ITGB8: variants seen among roughly 807,000 people sequenced by gnomAD.
ITGB8 encodes integrin beta-8.
A neutral mutation model predicts 89.5 loss-of-function variants in ITGB8; 30 were observed. That is an observed-to-expected ratio of 0.34 (90% CI 0.25 to 0.45). The LOEUF (loss-of-function observed/expected upper bound fraction) is 0.45. Ranked by LOEUF, ITGB8 falls within the 20% of genes least tolerant of loss-of-function variation. The pLI, the probability that ITGB8 is intolerant of heterozygous loss-of-function variation, is 1.00. For synonymous variants in ITGB8, 335 were observed against 320.4 expected (o/e 1.05, Z -0.49); for missense variants, 836 against 933.3 (o/e 0.90, Z 1.36).
rs1365019382 is a variant in ITGB8 at position 20,415,681 on chromosome 7, G to T, written c.*5684G>T. 1.3e-5 allele frequency: 2 copies of T among 152,462 alleles called. No homozygotes were observed. Among genetic ancestry groups the T allele is most frequent in the Non-Finnish European group, 2.9e-5 (2 of 67,972 alleles). The allele number at this position is 152,462 out of a possible 1,614,324, so 9.4% of individuals were successfully genotyped here. On this transcript the variant is annotated 3_prime_UTR_variant, in exon 14 of 14. Coordinates refer to ENST00000222573, the MANE Select transcript of ITGB8 (RefSeq NM_002214.3). ...AGTTAGGACAAGGCATTTAATTAATGCATCATTCTGTTTAGTAGTAGGTGT... is the reference window on the plus strand; with the variant it reads ...AGTTAGGACAAGGCATTTAATTAATTCATCATTCTGTTTAGTAGTAGGTGT...
In ITGB8 at chr7:20,410,112, G is replaced by A. The variant is rs1217341538; in HGVS notation, c.*115G>A. 4.8e-6 allele frequency: 5 copies of A among 1,034,652 alleles called. No individual in the cohort carries two copies. The African/African-American group carries it at 6.5e-5, about 13-fold the overall frequency. The allele number at this position is 1,034,652 out of a possible 1,614,324, so 64.1% of individuals were successfully genotyped here. A position where few individuals can be genotyped will look rare whatever the true frequency, so the allele number is the denominator to read the frequency against. On this transcript the variant is annotated 3_prime_UTR_variant, in exon 14 of 14. Coordinates refer to ENST00000222573, the MANE Select transcript of ITGB8 (RefSeq NM_002214.3). ...ATTGCTCACGGTCATGCCAGTTGCT[G>A]GTTGTACACTCGAACGAAGACTGAC... is the stretch of plus-strand genomic sequence containing the variant.
intron 1 of ITGB8, among the ~76,000 whole-genome samples, chr7:20,341,111 A>C (rs1381550803): frequency 6.6e-6 from 1 of 152,236 alleles, no homozygotes; most frequent in African/African-American, 2.4e-5. Flanking sequence ...GCAGAACTGC[A>C]TTGTTGGCAG....
intron 3 of ITGB8, among the ~76,000 whole-genome samples, chr7:20,374,360 T>A (rs1443250627): frequency 1.3e-5 from 2 of 152,162 alleles, no homozygotes; most frequent in African/African-American, 4.8e-5. Flanking sequence ...AAGAAACAGT[T>A]CTTACCCTAG....
At chr7:20,329,984 T>C (rs942866727), upstream of ITGB8, among the ~76,000 whole-genome samples, 1 of 152,186 alleles carries the variant, frequency 6.6e-6, no homozygotes, top group Non-Finnish European at 1.5e-5. Context: ...AGAAGTGCCT[T>C]CCACTTTCTC....
rs770096305 is a variant in ITGB8, at chr7:20,397,114, T to G, written c.1147-1746T>G. Among the ~76,000 whole-genome samples the G allele has an allele frequency of 3.9e-4, 60 of 152,336 alleles. 1 individual carries two copies. Among genetic ancestry groups the G allele is most frequent in the Admixed American group, 2.6e-4 (4 of 15,300 alleles). ...AGATACTAAAAGGGAAGCTCAAGAT[T>G]ATGTCTGGGGTTGGATTTCTGAATC... On this transcript the variant is annotated intron_variant, in intron 8 of 13. Transcript: ENST00000222573.
chr7:20,336,723 A>G (rs533054415), intron 1 of ITGB8, among the ~76,000 whole-genome samples: 1 of 152,246 alleles, frequency 6.6e-6, no homozygotes, highest in South Asian at 2.1e-4. Context: ...GGCTCCTCAT[A>G]CAACTTCCTC....
At position 20,415,487 on chromosome 7, in the gene ITGB8, A is replaced by G. The variant is rs559994143; in HGVS notation, c.*5490A>G. The G allele has an allele frequency of 2.6e-5, 4 of 152,598 alleles. No individual in the cohort carries two copies. The highest frequency in any genetic ancestry group is 7.2e-5 in the African/African-American group (3 of 41,560). 9.5% of individuals were successfully genotyped at this position (152,598 alleles called of 1,614,324 possible). A position where few individuals can be genotyped will look rare whatever the true frequency, so the allele number is the denominator to read the frequency against. ...TGGCTTTGAATTATACGTAACTTAA[A>G]TTGTCTTAAATGATACAGAATATTG... On this transcript the variant is annotated 3_prime_UTR_variant, in exon 14 of 14. Transcript: ENST00000222573.
At chr7:20,370,445 T>C (rs1398153721) in intron 3 of ITGB8, among the ~76,000 whole-genome samples, 1 of 151,280 alleles carries the variant, frequency 6.6e-6, no homozygotes, top group African/African-American at 2.4e-5. Flanking sequence ...TTATAAAAAT[T>C]ATAATTACCT....
At chr7:20,356,110 C>T (rs1021972298) in intron 1 of ITGB8, among the ~76,000 whole-genome samples, 6 of 152,252 alleles carry the variant, frequency 3.9e-5, no homozygotes, top group South Asian at 4.2e-4. Context: ...TTTTCTCTCA[C>T]GCCCATTTAC....
At chr7:20,335,980 T>TCTGATCCA (rs1321259152) in intron 1 of ITGB8, among the ~76,000 whole-genome samples, 1 of 150,668 alleles carries the variant, frequency 6.6e-6, no homozygotes, top group Non-Finnish European at 1.5e-5. Context: ...TAAGGACTTC[T>TCTGATCCA]CTGATCCAGT....
In ITGB8 at chr7:20,391,497, A is replaced by G; in HGVS notation, c.1055A>G (p.Lys352Arg). The G allele has an allele frequency of 6.6e-7, 1 of 1,503,770 alleles. No individual in the cohort carries two copies. The highest frequency in any genetic ancestry group is 9.1e-7 in the Non-Finnish European group (1 of 1,099,978). 93.2% of individuals were successfully genotyped at this position (1,503,770 alleles called of 1,614,324 possible). Reference sequence around the variant, plus strand: ...CAAGGAAAACAATTTCATTGGTATAAGGTATGTTAACTCTGAAAATGTTAA... The same window carrying G: ...CAAGGAAAACAATTTCATTGGTATAGGGTATGTTAACTCTGAAAATGTTAA... ...AVQGKQFHWYKDLLPLLPGTI... is the reference protein window; with the variant it reads ...AVQGKQFHWYRDLLPLLPGTI... The change falls in exon 7 of 14, where the codon AAG becomes AGG. Residue 352 changes from lysine (K) to arginine (R), a missense_variant and splice_region_variant. By Grantham distance (26) the Lys-to-Arg change is conservative. Transcript: ENST00000222573.
chr7:20,367,990 A>G lies in ITGB8; in HGVS notation c.388+804A>G, dbSNP rs770135172. Among the ~76,000 whole-genome samples, 4 of 152,168 alleles carry G rather than the reference A, an allele frequency of 2.6e-5. No homozygotes were observed. The South Asian group carries it at 6.2e-4, about 24-fold the overall frequency. ...TTAACGCAGTTCACAATTGTATCCA[A>G]TCCTTCATCATTTCATTGTGGGTGG... is the stretch of plus-strand genomic sequence containing the variant. On this transcript the variant is annotated intron_variant, in intron 3 of 13. Coordinates refer to ENST00000222573, the MANE Select transcript of ITGB8 (RefSeq NM_002214.3).
intron 11 of ITGB8, 91 bp from the exon 12 acceptor site, chr7:20,405,971 T>C (rs1268223581): frequency 2.6e-6 from 2 of 755,838 alleles, no homozygotes; most frequent in East Asian, 2.6e-5. Context: ...GTTTCTGCAT[T>C]GTTATTTTGT....
chr7:20,332,155 C>T (rs1784425048), intron 1 of ITGB8: 4 of 1,010,922 alleles, frequency 4.0e-6, no homozygotes, highest in Admixed American at 3.1e-5. Context: ...TCAGAGGAGA[C>T]ACTCTGTGTT....
chr7:20,358,010 G>A (rs1196986757), intron 1 of ITGB8, among the ~76,000 whole-genome samples: 1 of 152,096 alleles, frequency 6.6e-6, no homozygotes, highest in Non-Finnish European at 1.5e-5. Context: ...CTGTTGCTCA[G>A]GCTGGAGTGC....
intron 1 of ITGB8, among the ~76,000 whole-genome samples, chr7:20,350,527 T>G (rs1483619938): frequency 6.6e-6 from 1 of 152,248 alleles, no homozygotes; most frequent in African/African-American, 2.4e-5. Context: ...GAACTGTACA[T>G]GCTATAAAGC....
At chr7:20,367,290 G>A (rs553147003) in intron 3 of ITGB8, 104 bp downstream of exon 3, 729 of 864,304 alleles carry the variant, frequency 8.4e-4, no homozygotes, top group Non-Finnish European at 8.4e-4. Flanking sequence ...TATTGTTCTT[G>A]TAGAAACCAC....
chr7:20,337,706 A>G (rs1784621831), intron 1 of ITGB8, among the ~76,000 whole-genome samples: 1 of 152,196 alleles, frequency 6.6e-6, no homozygotes, highest in Non-Finnish European at 1.5e-5. Flanking sequence ...ATAGACATAT[A>G]GATTGCTTTT....
At chr7:20,338,251 A>G (rs1486431576) in intron 1 of ITGB8, among the ~76,000 whole-genome samples, 1 of 152,190 alleles carries the variant, frequency 6.6e-6, no homozygotes, top group African/African-American at 2.4e-5. Flanking sequence ...GCTGTTAAAT[A>G]TGTAGTCTGT....
Sources: allele counts gnomAD v4.1 joint callset (sites outside exome capture counted in the v4.1 genomes callset), GRCh38; gene constraint gnomAD v4.1.1; transcripts MANE v1.5; gene names NCBI Gene and HGNC (gene_info 2026-07-23, HGNC 2026-07-21).